TMEM184B: variants seen among roughly 807,000 people sequenced by gnomAD.
The protein encoded by TMEM184B is transmembrane protein 184B, also known as putative MAPK-activating protein FM08.
A neutral mutation model predicts 41.8 loss-of-function variants in TMEM184B; 17 were observed. The observed-to-expected ratio is 0.41, with a 90% CI of 0.28 to 0.61. The LOEUF (loss-of-function observed/expected upper bound fraction) is 0.61, where lower values mean the gene tolerates loss of function less well. Ranked by LOEUF, TMEM184B falls within the 20% of genes least tolerant of loss-of-function variation. The pLI is 0.34. For missense variants in TMEM184B, 393 were observed against 557.8 expected, an observed-to-expected ratio of 0.70 and a Z score of 2.98; for synonymous variants, 240 against 229.5, an observed-to-expected ratio of 1.05 and a Z score of -0.41.
At chr22:38,245,904 CCAG>C in intron 3 of TMEM184B, 28 bp downstream of exon 3, 1 of 1,479,654 alleles carries the variant, frequency 6.8e-7, no homozygotes, top group Non-Finnish European at 9.2e-7. Context: ...CAGCCCCCCG[CCAG>C]CCCTCCCCAC....
In TMEM184B at chr22:38,220,784, CACGACAGGTGGGGAT is replaced by C. The variant is rs900647295; in HGVS notation, c.*670_*684del. ...GGCATGAGGCAGGCAGAGGTGTGGC[CACGACAGGTGGGGAT>C]ACCCAGGGGCCCAGAAGCCCCTGCT... On this transcript the variant is annotated 3_prime_UTR_variant, in exon 9 of 9. Transcript: ENST00000361906. The C allele has an allele frequency of 1.0e-6, 1 of 986,012 alleles. No individual in the cohort carries two copies. Among genetic ancestry groups the C allele is most frequent in the African/African-American group, 1.7e-5 (1 of 57,250 alleles). 61.1% of individuals were successfully genotyped at this position (986,012 alleles called of 1,614,324 possible). A position where few individuals can be genotyped will look rare whatever the true frequency, so the allele number is the denominator to read the frequency against.
In TMEM184B at chr22:38,221,006, G is replaced by A. The variant is rs1399539286; in HGVS notation, c.*463C>T. 2.6e-5 allele frequency: 26 copies of A among 1,000,874 alleles called. No individual in the cohort carries two copies. The highest frequency in any genetic ancestry group is 3.0e-5 in the Non-Finnish European group (25 of 839,654). 62.0% of individuals were successfully genotyped at this position (1,000,874 alleles called of 1,614,324 possible). On this transcript the variant is annotated 3_prime_UTR_variant, in exon 9 of 9. Coordinates refer to ENST00000361906, the MANE Select transcript of TMEM184B (RefSeq NM_012264.5). ...GTGAATCTAGCACTGGACAAAGGTG[G>A]ACAGGGGAGGGATGCAGGCGGGAAG...
chr22:38,260,444 C>A (rs902483189), intron 1 of TMEM184B, among the ~76,000 whole-genome samples: 3 of 152,170 alleles, frequency 2.0e-5, no homozygotes, highest in African/African-American at 7.2e-5. Context: ...GAAGGGCTGA[C>A]GTCATTTGCC....
At chr22:38,270,997 C>T (rs546149209) in intron 1 of TMEM184B, among the ~76,000 whole-genome samples, 1 of 152,282 alleles carries the variant, frequency 6.6e-6, no homozygotes, top group African/African-American at 2.4e-5. Flanking sequence ...CCTTCTGCCT[C>T]GAAGCTCTTC....
At chr22:38,242,243 G>A (rs559853978) in intron 3 of TMEM184B, among the ~76,000 whole-genome samples, 269 of 151,308 alleles carry the variant, frequency 1.8e-3, no homozygotes, top group African/African-American at 5.7e-3. Flanking sequence ...CAAGGCGGGC[G>A]GATTGCCTGA....
At chr22:38,270,815 G>A (rs1256068690) in intron 1 of TMEM184B, among the ~76,000 whole-genome samples, 2 of 152,232 alleles carry the variant, frequency 1.3e-5, no homozygotes, top group Non-Finnish European at 2.9e-5. Flanking sequence ...AATGAGCACA[G>A]CAGGGACTGG....
chr22:38,251,314 G>A (rs1193342168), intron 1 of TMEM184B, among the ~76,000 whole-genome samples: 1 of 152,230 alleles, frequency 6.6e-6, no homozygotes, highest in Non-Finnish European at 1.5e-5. Context: ...CAACTTTGAA[G>A]AAAGTAACAT....
At chr22:38,231,530 C>G in intron 3 of TMEM184B, 196 bp from the exon 4 acceptor site, 1 of 700,092 alleles carries the variant, frequency 1.4e-6, no homozygotes, top group Non-Finnish European at 2.6e-6. Context: ...AAGTTCAAAA[C>G]CCGGCACACC....
chr22:38,272,274 T>G (rs995453839), intron 1 of TMEM184B, among the ~76,000 whole-genome samples: 2 of 152,076 alleles, frequency 1.3e-5, no homozygotes, highest in African/African-American at 4.8e-5. Flanking sequence ...GGAGGAAATG[T>G]ACAATTCACG....
chr22:38,253,769 G>A (rs1053699353), intron 1 of TMEM184B, among the ~76,000 whole-genome samples: 12 of 151,978 alleles, frequency 7.9e-5, no homozygotes, highest in Admixed American at 4.6e-4. Context: ...TCCATAAAAG[G>A]AAAAAATCGA....
In TMEM184B at chr22:38,272,767, C is replaced by G. The variant is rs528947522; in HGVS notation, c.-59+117G>C. 3.1e-4 allele frequency: 304 copies of G among 985,272 alleles called. 1 individual carries two copies. The African/African-American group carries it at 5.2e-3, about 17-fold the overall frequency. The allele number at this position is 985,272 out of a possible 1,614,324, so 61.0% of individuals were successfully genotyped here. A position where few individuals can be genotyped will look rare whatever the true frequency, so the allele number is the denominator to read the frequency against. ...CCGTAGTGCCCTCCCCGCCCGGGAG[C>G]CGGCGGCCGAAGCCGGGCGTCCCTC... On this transcript the variant is annotated intron_variant, in intron 1 of 8. Transcript: ENST00000361906.
chr22:38,266,812 G>A (rs530923011), intron 1 of TMEM184B, among the ~76,000 whole-genome samples: 10 of 152,310 alleles, frequency 6.6e-5, no homozygotes, highest in African/African-American at 9.6e-5. Flanking sequence ...GGCCGGGTAC[G>A]GTGGCTCACG....
chr22:38,217,636 C>T (rs531908765), downstream of TMEM184B, among the ~76,000 whole-genome samples: 14 of 149,890 alleles, frequency 9.3e-5, no homozygotes, highest in South Asian at 4.2e-4. Flanking sequence ...AGTGAGACTC[C>T]GTCTCAAAAA....
In TMEM184B at chr22:38,222,670, C is replaced by T. The variant is rs80159443; in HGVS notation, c.983-960G>A. 1,691 of 985,604 alleles carry T rather than the reference C, an allele frequency of 1.7e-3. 5 individuals are homozygous for T. The highest frequency in any genetic ancestry group is 0.011 in the Middle Eastern group (21 of 1,918). The allele number at this position is 985,604 out of a possible 1,614,324, so 61.1% of individuals were successfully genotyped here. A position where few individuals can be genotyped will look rare whatever the true frequency, so the allele number is the denominator to read the frequency against. ...AAGGGCCGTATGTTGGCACTGCCCG[C>T]GGCCAAACCCCGGGCAAAAGCAGGG... On this transcript the variant is annotated intron_variant, in intron 8 of 8. Coordinates refer to ENST00000361906, the MANE Select transcript of TMEM184B (RefSeq NM_012264.5).
chr22:38,270,255 TG>T (rs1240560617), intron 1 of TMEM184B, among the ~76,000 whole-genome samples: 2 of 152,186 alleles, frequency 1.3e-5, no homozygotes, highest in Non-Finnish European at 2.9e-5. Context: ...CCCAGGGTTA[TG>T]GGGGAGGAGC....
rs992355146 is a variant in TMEM184B, at chr22:38,220,510, G to A, written c.*959C>T. On this transcript the variant is annotated 3_prime_UTR_variant, in exon 9 of 9. Transcript: ENST00000361906. The stretch of plus-strand genomic sequence containing the variant: ...TCCCCACTGTGTGGCCACCCCTCCC[G>A]GTCTCCCTGCCGGACTGCCTTCCCC... 21 of 985,746 alleles carry A rather than the reference G, an allele frequency of 2.1e-5. No homozygotes were observed. Among genetic ancestry groups the A allele is most frequent in the African/African-American group, 1.6e-4 (9 of 57,206 alleles). 61.1% of individuals were successfully genotyped at this position (985,746 alleles called of 1,614,324 possible).
chr22:38,226,815 A>G lies in TMEM184B; in HGVS notation c.581T>C (p.Leu194Pro). ...ATCCCGGTACTTGCCGAAGGCCTGG[A>G]GGACCACAGTGCTGACCGCCATGAG... ...KPLMAVSTVV[L>P]QAFGKYRDGD... Residue 194 changes from leucine (L) to proline (P), a missense_variant, in exon 6 of 9, where the codon CTC becomes CCC. Coordinates refer to ENST00000361906, the MANE Select transcript of TMEM184B (RefSeq NM_012264.5). The surrounding 1 kb of genome is among the most constrained non-coding windows in gnomAD (Gnocchi z 4.6). 1 of 1,606,208 alleles carries G rather than the reference A, an allele frequency of 6.2e-7. No homozygotes were observed. Among genetic ancestry groups the G allele is most frequent in the Non-Finnish European group, 8.5e-7 (1 of 1,176,440 alleles).
intron 1 of TMEM184B, among the ~76,000 whole-genome samples, chr22:38,258,496 C>T (rs2092320367): frequency 6.6e-6 from 1 of 151,988 alleles, no homozygotes; most frequent in Non-Finnish European, 1.5e-5. Flanking sequence ...GACAGAGTTT[C>T]ACCATATTGG....
intron 1 of TMEM184B, among the ~76,000 whole-genome samples, chr22:38,272,171 T>G (rs2092533977): frequency 6.6e-6 from 1 of 152,206 alleles, no homozygotes; most frequent in Non-Finnish European, 1.5e-5. Flanking sequence ...TGGGAATCCA[T>G]GCCCAACCCC....
Sources: allele counts gnomAD v4.1 joint callset (sites outside exome capture counted in the v4.1 genomes callset), GRCh38; gene constraint gnomAD v4.1.1; non-coding constraint Gnocchi (gnomAD v3.1); transcripts MANE v1.5; gene names NCBI Gene and HGNC (gene_info 2026-07-23, HGNC 2026-07-21).